UPK1B: variants seen among roughly 807,000 people sequenced by gnomAD.
UPK1B encodes the protein uroplakin-1b.
In UPK1B, 28 loss-of-function variants were observed where a neutral mutation model predicts 34.2. That is an observed-to-expected ratio of 0.82 (90% CI 0.61 to 1.12). UPK1B has a LOEUF of 1.12. UPK1B is among the 50% of genes most tolerant of loss of function. The pLI is 0.00. For synonymous variants in UPK1B, 81 were observed against 110.4 expected (o/e 0.73, Z 1.67); for missense variants, 325 against 320.9 (o/e 1.01, Z -0.10).
At chr3:119,178,719 T>C (rs1279186666) in intron 1 of UPK1B, among the ~76,000 whole-genome samples, 5 of 152,212 alleles carry the variant, frequency 3.3e-5, no homozygotes, top group Non-Finnish European at 7.3e-5. Context: ...TAGTAATTTT[T>C]CCTCAAATTA....
intron 7 of UPK1B, among the ~76,000 whole-genome samples, chr3:119,202,257 C>A (rs561224028): frequency 6.6e-6 from 1 of 152,170 alleles, no homozygotes; most frequent in Non-Finnish European, 1.5e-5. Flanking sequence ...CTTAAGCATG[C>A]CCATTTCACT....
chr3:119,183,273 T>TC, intron 1 of UPK1B, among the ~76,000 whole-genome samples: 1 of 94,872 alleles, frequency 1.1e-5, no homozygotes, highest in East Asian at 3.3e-4. Context: ...TTTTTTTTGT[T>TC]TTTTTTTTTT....
intron 6 of UPK1B, among the ~76,000 whole-genome samples, chr3:119,198,121 A>G (rs1027608213): frequency 1.5e-5 from 2 of 137,170 alleles, no homozygotes; most frequent in Admixed American, 1.6e-4. Context: ...ATAGGGAAGG[A>G]TCCTTCTTAG....
intron 1 of UPK1B, among the ~76,000 whole-genome samples, chr3:119,185,424 TTC>T (rs1193756892): frequency 6.6e-6 from 1 of 152,194 alleles, no homozygotes; most frequent in African/African-American, 2.4e-5. Flanking sequence ...CACCTTGCTC[TTC>T]TGTCTCTACT....
intron 5 of UPK1B, among the ~76,000 whole-genome samples, chr3:119,192,394 A>G (rs185507873): frequency 9.9e-5 from 15 of 152,100 alleles, no homozygotes; most frequent in Admixed American, 9.8e-4. Flanking sequence ...CTTCGTTTAT[A>G]CTCTAAGAGC....
At chr3:119,180,044 A>C (rs2077982591) in intron 1 of UPK1B, among the ~76,000 whole-genome samples, 1 of 149,510 alleles carries the variant, frequency 6.7e-6, no homozygotes, top group African/African-American at 2.5e-5. Flanking sequence ...GTGATCTACC[A>C]ACCTCAGGTG....
chr3:119,194,283 A>C lies in UPK1B; in HGVS notation c.533A>C (p.Glu178Ala), dbSNP rs1451472038. The change falls in exon 6 of 8, where the codon GAG becomes GCG. Residue 178 changes from glutamate to alanine, a missense_variant. Transcript: ENST00000264234. ...AAATACACATCTGCCTTCCGGACTG[A>C]GAATAATGATGCTGACTATCCCTGG... ...WQKYTSAFRT[E>A]NNDADYPWPR... 1.2e-6 allele frequency: 2 copies of C among 1,613,996 alleles called. No homozygotes were observed. The highest frequency in any genetic ancestry group is 2.7e-5 in the African/African-American group (2 of 74,936).
chr3:119,191,172 C>A, intron 5 of UPK1B, 68 bp downstream of exon 5: 1 of 1,527,552 alleles, frequency 6.5e-7, no homozygotes, highest in Non-Finnish European at 8.9e-7. Flanking sequence ...ATACACATGA[C>A]TCAGTGGGAC....
At chr3:119,180,389 A>G (rs1243596126) in intron 1 of UPK1B, among the ~76,000 whole-genome samples, 1 of 152,196 alleles carries the variant, frequency 6.6e-6, no homozygotes, top group African/African-American at 2.4e-5. Context: ...ATCCAAGCCA[A>G]TCCCACCATA....
intron 7 of UPK1B, among the ~76,000 whole-genome samples, chr3:119,201,404 G>A (rs1426482902): frequency 6.6e-6 from 1 of 152,166 alleles, no homozygotes; most frequent in East Asian, 1.9e-4. Context: ...GGCGAAGTAG[G>A]AGCAAAGGCA....
intron 2 of UPK1B, 84 bp from the exon 3 acceptor site, chr3:119,187,691 G>A: frequency 7.0e-7 from 1 of 1,433,992 alleles, no homozygotes; most frequent in Non-Finnish European, 9.8e-7. Context: ...AGGAAAGGGA[G>A]CCAGTCACTC....
In UPK1B at chr3:119,191,922, C is replaced by A. The variant is rs543579455; in HGVS notation, c.468+818C>A. ...GTTCTCCTGCCTTCATTAGGGATTT[C>A]AATATCTCACTTAACTATCTACCTC... On this transcript the variant is annotated intron_variant, in intron 5 of 7. Coordinates refer to ENST00000264234, the MANE Select transcript of UPK1B (RefSeq NM_006952.4). Among the ~76,000 whole-genome samples the A allele has an allele frequency of 3.3e-5, 5 of 152,286 alleles. No homozygotes were observed. The South Asian group carries it at 1.0e-3, about 32-fold the overall frequency.
intron 6 of UPK1B, 146 bp from the exon 7 acceptor site, chr3:119,198,911 C>G: frequency 1.3e-6 from 1 of 742,582 alleles, no homozygotes; most frequent in East Asian, 2.8e-5. Context: ...TAGTAGCTGG[C>G]TGTCCTCAGA....
chr3:119,196,535 C>CTTTTTTT (rs34406185), intron 6 of UPK1B, among the ~76,000 whole-genome samples: 47 of 107,144 alleles, frequency 4.4e-4, no homozygotes, highest in South Asian at 6.2e-4. Flanking sequence ...TTTTCTTTTT[C>CTTTTTTT]TTTTTTTTTT....
intron 5 of UPK1B, among the ~76,000 whole-genome samples, chr3:119,193,485 T>C (rs2078052577): frequency 6.6e-6 from 1 of 152,208 alleles, no homozygotes; most frequent in African/African-American, 2.4e-5. Flanking sequence ...TTGTGTTTTG[T>C]CCTCTATTCT....
rs1576868948 is a variant in UPK1B, at chr3:119,187,976, G to A, written c.270+1G>A. 6.2e-7 allele frequency: 1 copy of A among 1,614,146 alleles called. No homozygotes were observed. The highest frequency in any genetic ancestry group is 8.5e-7 in the Non-Finnish European group (1 of 1,179,992). On this transcript the variant is annotated splice_donor_variant, in intron 3 of 7. Transcript: ENST00000264234. LOFTEE classifies it high-confidence loss of function. ...GTCCAGCAGGAAAATTCTTCTGGCG[G>A]TAAGACCTCAAAATTCTCTGGAGTT... is the stretch of plus-strand genomic sequence containing the variant.
At chr3:119,174,420 TAA>T (rs1232145491) in intron 1 of UPK1B, among the ~76,000 whole-genome samples, 1 of 152,208 alleles carries the variant, frequency 6.6e-6, no homozygotes, top group Non-Finnish European at 1.5e-5. Context: ...TTTATAAACC[TAA>T]AACTCCACTT....
intron 5 of UPK1B, among the ~76,000 whole-genome samples, chr3:119,193,897 C>G (rs183834476): frequency 3.6e-4 from 55 of 152,120 alleles, no homozygotes; most frequent in Middle Eastern, 6.8e-3. Context: ...CTCATTTAAT[C>G]CTTAAAAAAA....
At chr3:119,179,918 C>T (rs1471448552) in intron 1 of UPK1B, among the ~76,000 whole-genome samples, 1 of 144,424 alleles carries the variant, frequency 6.9e-6, no homozygotes, top group African/African-American at 2.6e-5. Flanking sequence ...CCCGCCTCAG[C>T]CTCCTGAGTA....
Sources: allele counts gnomAD v4.1 joint callset (sites outside exome capture counted in the v4.1 genomes callset), GRCh38; gene constraint gnomAD v4.1.1; transcripts MANE v1.5; gene names NCBI Gene and HGNC (gene_info 2026-07-23, HGNC 2026-07-21).